CCDC169: variants seen among roughly 807,000 people sequenced by gnomAD.
The protein encoded by CCDC169 is coiled-coil domain containing 169, also known as coiled-coil domain-containing protein 169.
A neutral mutation model predicts 36.0 loss-of-function variants in CCDC169; 30 were observed. That is an observed-to-expected ratio of 0.83 (90% confidence interval 0.62 to 1.13). The LOEUF is 1.13. Ranked by LOEUF, CCDC169 falls within the 50% of genes most tolerant of loss-of-function variation. The pLI is 0.00. For synonymous variants in CCDC169, 85 were observed against 81.5 expected (o/e 1.04, Z -0.23); for missense variants, 245 against 245.9 (o/e 1.00, Z 0.03).
chr13:36,271,877 G>C (rs1045293898), intron 4 of CCDC169, among the ~76,000 whole-genome samples: 3 of 151,906 alleles, frequency 2.0e-5, no homozygotes, highest in African/African-American at 7.3e-5. Flanking sequence ...GAGTTCAGGA[G>C]TTCGAGACCA....
downstream of CCDC169, among the ~76,000 whole-genome samples, chr13:36,230,240 T>C (rs983915064): frequency 6.6e-6 from 1 of 152,220 alleles, no homozygotes; most frequent in Admixed American, 6.5e-5. Flanking sequence ...CTCTAGGTGA[T>C]TTCTATAAAT....
At chr13:36,289,766 G>A (rs1878652202) in intron 2 of CCDC169, among the ~76,000 whole-genome samples, 1 of 152,096 alleles carries the variant, frequency 6.6e-6, no homozygotes, top group Non-Finnish European at 1.5e-5. Flanking sequence ...CTTCTGTATT[G>A]CCTTTAAGTC....
In CCDC169 at chr13:36,256,065, G is replaced by A. The variant is rs376276929; in HGVS notation, c.316-1922C>T. Among the ~76,000 whole-genome samples the A allele has an allele frequency of 5.3e-5, 8 of 152,222 alleles. No individual in the cohort carries two copies. In the East Asian group the frequency reaches 1.2e-3, roughly 22 times the overall value. ...TTCTCCTTCTTTGCCTGCAAGCGTT[G>A]CTTCCATCTTGCAATTTCTTGGCTG... On this transcript the variant is annotated intron_variant, in intron 4 of 7. Transcript: ENST00000239859.
At chr13:36,285,618 G>GATAGATAGATAT in intron 2 of CCDC169, among the ~76,000 whole-genome samples, 1 of 133,596 alleles carries the variant, frequency 7.5e-6, no homozygotes, top group African/African-American at 2.9e-5. Context: ...TAGATAGATA[G>GATAGATAGATAT]ATACATAGAT....
intron 6 of CCDC169, among the ~76,000 whole-genome samples, chr13:36,251,523 C>T (rs1873157369): frequency 6.7e-6 from 1 of 149,552 alleles, no homozygotes; most frequent in Non-Finnish European, 1.5e-5. Context: ...TAAATGAATG[C>T]TTTGGGGACA....
At chr13:36,287,305 C>T (rs747271934) in intron 2 of CCDC169, among the ~76,000 whole-genome samples, 8 of 152,150 alleles carry the variant, frequency 5.3e-5, no homozygotes, top group Middle Eastern at 3.4e-3. Context: ...AGGGTAAAAG[C>T]GGTTTAAAAA....
At chr13:36,278,921 TAATTTC>T (rs1877173823) in intron 4 of CCDC169, among the ~76,000 whole-genome samples, 1 of 152,202 alleles carries the variant, frequency 6.6e-6, no homozygotes, top group Non-Finnish European at 1.5e-5. Flanking sequence ...CCTAACATCC[TAATTTC>T]AATTTCTATT....
intron 7 of CCDC169, chr13:36,240,593 C>T: frequency 7.9e-7 from 1 of 1,273,728 alleles, no homozygotes; most frequent in East Asian, 5.7e-5. Context: ...CAATTTCCCT[C>T]AGGTTCTTTT....
intron 2 of CCDC169, among the ~76,000 whole-genome samples, chr13:36,285,751 T>C (rs1878174713): frequency 6.6e-6 from 1 of 152,146 alleles, no homozygotes; most frequent in Non-Finnish European, 1.5e-5. Context: ...TGGCATAAAG[T>C]GGCTTTATTA....
In CCDC169 at chr13:36,248,645, A is replaced by G. The variant is rs1456334465; in HGVS notation, c.506T>C (p.Val169Ala). The G allele has an allele frequency of 9.0e-6, 14 of 1,550,590 alleles. No homozygotes were observed. The highest frequency in any genetic ancestry group is 2.7e-5 in the African/African-American group (2 of 73,002). Residue 169 changes from valine (V) to alanine (A), a missense_variant, in exon 7 of 8, where the codon GTG becomes GCG. Val to Ala is a moderately conservative substitution (Grantham distance 64). Coordinates refer to ENST00000239859, the MANE Select transcript of CCDC169 (RefSeq NM_001144981.3). ...GLHQVSKRQQ[V>A]DQLPRMQENL... ...CTCTTGCATCCTAGGCAGTTGATCCACCTGTTGCCTTTTAGAAACTTGATG... is the reference window on the plus strand; with the variant it reads ...CTCTTGCATCCTAGGCAGTTGATCCGCCTGTTGCCTTTTAGAAACTTGATG...
At chr13:36,258,759 TCTG>T (rs1424612520) in intron 4 of CCDC169, among the ~76,000 whole-genome samples, 8 of 152,128 alleles carry the variant, frequency 5.3e-5, no homozygotes, top group African/African-American at 1.9e-4. Context: ...CGGGGGCTGC[TCTG>T]CTGATGGAGT....
In CCDC169 at chr13:36,231,036, G is replaced by A. The variant is rs866986833; in HGVS notation, c.*157C>T. On this transcript the variant is annotated 3_prime_UTR_variant, in exon 8 of 8. Coordinates refer to ENST00000239859, the MANE Select transcript of CCDC169 (RefSeq NM_001144981.3). The stretch of plus-strand genomic sequence containing the variant: ...CACTGGAGAAAATTACTTTTATGCA[G>A]ACAAAGGAACACACGTCTGGAAAAG... 1.4e-6 allele frequency: 2 copies of A among 1,410,782 alleles called. No homozygotes were observed. Among genetic ancestry groups the A allele is most frequent in the South Asian group, 3.2e-5 (2 of 62,276 alleles). The allele number at this position is 1,410,782 out of a possible 1,614,324, so 87.4% of individuals were successfully genotyped here.
At chr13:36,276,779 A>G (rs1876878596) in intron 4 of CCDC169, among the ~76,000 whole-genome samples, 1 of 151,262 alleles carries the variant, frequency 6.6e-6, no homozygotes, top group Non-Finnish European at 1.5e-5. Context: ...CTTGTTGATA[A>G]GAGCCATTAC....
intron 7 of CCDC169, among the ~76,000 whole-genome samples, chr13:36,231,934 C>T (rs996655565): frequency 2.6e-5 from 4 of 152,056 alleles, no homozygotes; most frequent in Non-Finnish European, 4.4e-5. Flanking sequence ...ATTTTCTCCT[C>T]ATTAAAATGA....
intron 4 of CCDC169, among the ~76,000 whole-genome samples, chr13:36,278,532 C>T (rs1275434850): frequency 6.6e-6 from 1 of 152,124 alleles, no homozygotes; most frequent in African/African-American, 2.4e-5. Context: ...GTGTTTTATC[C>T]TCTCCTACAG....
intron 2 of CCDC169, among the ~76,000 whole-genome samples, chr13:36,290,801 C>T (rs1230051487): frequency 6.6e-6 from 1 of 152,058 alleles, no homozygotes; most frequent in African/African-American, 2.4e-5. Flanking sequence ...CCACTCCCAT[C>T]TGGCCTAAAA....
chr13:36,227,240 G>T, downstream of CCDC169: 10 of 1,550,610 alleles, frequency 6.4e-6, no homozygotes, highest in Non-Finnish European at 8.7e-6. Flanking sequence ...CCAAGGTTGA[G>T]GACCCATGTA....
At chr13:36,237,209 C>T (rs559929842) in intron 7 of CCDC169, among the ~76,000 whole-genome samples, 24 of 152,108 alleles carry the variant, frequency 1.6e-4, no homozygotes, top group Admixed American at 1.2e-3. Context: ...CATCATTAGT[C>T]ATTAGGAAAG....
At position 36,254,049 on chromosome 13, in the gene CCDC169, G is replaced by T; in HGVS notation, c.410C>A (p.Ser137Ter). The T allele has an allele frequency of 6.5e-7, 1 of 1,543,174 alleles. No individual in the cohort carries two copies. The highest frequency in any genetic ancestry group is 1.2e-5 in the South Asian group (1 of 81,874). The change falls in exon 5 of 8, where the codon TCA becomes TAA. Residue 137 changes from serine to a stop codon, truncating the protein, a stop_gained. Coordinates refer to ENST00000239859, the MANE Select transcript of CCDC169 (RefSeq NM_001144981.3). LOFTEE classifies it high-confidence loss of function. Reference sequence around the variant, plus strand: ...AAGTATAGAGTAAAAACAAACCTTTGATTCTTGTTCCAGTTTAAGTGCATA... The same window carrying T: ...AAGTATAGAGTAAAAACAAACCTTTTATTCTTGTTCCAGTTTAAGTGCATA... ...KYYALKLEQE[S>*]KAYQKINNER...
Sources: allele counts gnomAD v4.1 joint callset (sites outside exome capture counted in the v4.1 genomes callset), GRCh38; gene constraint gnomAD v4.1.1; transcripts MANE v1.5; gene names NCBI Gene and HGNC (gene_info 2026-07-23, HGNC 2026-07-21).